Variants in OR6N1 observed in about 807,000 individuals in gnomAD.
OR6N1 encodes the protein olfactory receptor 6N1.
For synonymous variants in OR6N1, 170 were observed against 150.7 expected, an observed-to-expected ratio of 1.13 and a Z score of -0.94; for missense variants, 394 against 371.7, an observed-to-expected ratio of 1.06 and a Z score of -0.49.
chr1:158,820,324 T>C, the OR6N1 span, among the ~76,000 whole-genome samples: 1 of 152,232 alleles, frequency 6.6e-6, no homozygotes. Flanking sequence ...GGGGCCAGTT[T>C]ATGGCCAGAT....
At chr1:158,787,588 TTC>T in the OR6N1 span, among the ~76,000 whole-genome samples, 24 of 125,888 alleles carry the variant, frequency 1.9e-4, no homozygotes, top group Middle Eastern at 4.3e-3. Context: ...TGTATATACT[TTC>T]TCTCTCTCTC....
the OR6N1 span, among the ~76,000 whole-genome samples, chr1:158,827,665 T>C: frequency 1.3e-5 from 2 of 152,192 alleles, no homozygotes; most frequent in African/African-American, 4.8e-5. Flanking sequence ...TAGTGAGAAC[T>C]TGAACCAGAA....
chr1:158,807,280 G>T, the OR6N1 span, among the ~76,000 whole-genome samples: 3,489 of 152,236 alleles, frequency 0.023, 132 homozygotes, highest in African/African-American at 0.077. Flanking sequence ...AAACATGAAG[G>T]CAGCTGTAAC....
the OR6N1 span, among the ~76,000 whole-genome samples, chr1:158,793,618 G>T: frequency 1.3e-5 from 2 of 152,200 alleles, no homozygotes; most frequent in Non-Finnish European, 2.9e-5. Flanking sequence ...TGTGCTGGGT[G>T]TGTAAGCAGG....
chr1:158,773,847 ATATATTTG>A (rs1484796120), upstream of OR6N1, among the ~76,000 whole-genome samples: 2 of 152,118 alleles, frequency 1.3e-5, no homozygotes, highest in Non-Finnish European at 2.9e-5. Flanking sequence ...GTGTGTGTAT[ATATATTTG>A]TATATTTGTA....
chr1:158,798,206 A>G, the OR6N1 span, among the ~76,000 whole-genome samples: 4 of 151,508 alleles, frequency 2.6e-5, no homozygotes, highest in Non-Finnish European at 5.9e-5. Flanking sequence ...CAACATTTTT[A>G]TTAGTATATC....
Position 158,765,718 on chromosome 1 carries a change from G to A in OR6N1, c.*26C>T, listed in dbSNP as rs200960901. On this transcript the variant is annotated 3_prime_UTR_variant, in exon 2 of 2. Transcript: ENST00000641846. Reference sequence around the variant, plus strand: ...CTGGGGCCACCATATCCTCAGGCCCGGCCTTGGCCTACTCTCAGCCCCAAC... The same window carrying A: ...CTGGGGCCACCATATCCTCAGGCCCAGCCTTGGCCTACTCTCAGCCCCAAC... The A allele has an allele frequency of 1.7e-3, 2,627 of 1,575,406 alleles. 1 individual carries two copies. The highest frequency in any genetic ancestry group is 2.1e-3 in the Non-Finnish European group (2,383 of 1,149,610).
the OR6N1 span, among the ~76,000 whole-genome samples, chr1:158,821,981 G>A: frequency 6.6e-6 from 1 of 152,172 alleles, no homozygotes; most frequent in East Asian, 1.9e-4. Context: ...TAATAAATGT[G>A]TAGTGGTATC....
At chr1:158,774,874 C>A (rs1657546132), upstream of OR6N1, 1 of 152,136 alleles carries the variant, frequency 6.6e-6, no homozygotes, top group South Asian at 2.1e-4. Flanking sequence ...AAGACCGATG[C>A]ATTCTATAGA....
chr1:158,820,402 G>A, the OR6N1 span, among the ~76,000 whole-genome samples: 2 of 152,162 alleles, frequency 1.3e-5, no homozygotes, highest in African/African-American at 4.8e-5. Context: ...GTAAATTGTA[G>A]GGCAATGTAG....
chr1:158,778,038 T>A, the OR6N1 span, among the ~76,000 whole-genome samples: 2 of 152,250 alleles, frequency 1.3e-5, no homozygotes, highest in Non-Finnish European at 2.9e-5. Flanking sequence ...TATATGACTG[T>A]TCCCAAACAT....
chr1:158,824,704 C>G, the OR6N1 span, among the ~76,000 whole-genome samples: 2 of 152,076 alleles, frequency 1.3e-5, no homozygotes, highest in Non-Finnish European at 2.9e-5. Context: ...CTGACAAAAA[C>G]AAGCAATGGG....
At chr1:158,801,991 G>A in the OR6N1 span, among the ~76,000 whole-genome samples, 3 of 151,930 alleles carry the variant, frequency 2.0e-5, no homozygotes, top group South Asian at 6.2e-4. Flanking sequence ...GACCTCCCAG[G>A]GGCTCCTTGC....
At chr1:158,828,566 G>A in the OR6N1 span, among the ~76,000 whole-genome samples, 1 of 152,316 alleles carries the variant, frequency 6.6e-6, no homozygotes, top group East Asian at 1.9e-4. Context: ...CCACCCCTGT[G>A]GTTTTGCAGG....
intron 1 of OR6N1, among the ~76,000 whole-genome samples, chr1:158,769,369 GC>G (rs1424553343): frequency 6.6e-6 from 1 of 152,068 alleles, no homozygotes; most frequent in African/African-American, 2.4e-5. Context: ...TAGCCATATT[GC>G]CCAGGCTGGT....
the OR6N1 span, among the ~76,000 whole-genome samples, chr1:158,838,775 TA>T: frequency 6.6e-6 from 1 of 152,124 alleles, no homozygotes. Context: ...TTATATCTTT[TA>T]AAAAAGTTTG....
intron 1 of OR6N1, among the ~76,000 whole-genome samples, chr1:158,770,766 A>T (rs1657405066): frequency 6.6e-6 from 1 of 152,202 alleles, no homozygotes; most frequent in Non-Finnish European, 1.5e-5. Flanking sequence ...GCAAAAACTC[A>T]TATCTTCTCA....
At chr1:158,767,351 C>T (rs943339426) in intron 1 of OR6N1, among the ~76,000 whole-genome samples, 2 of 152,158 alleles carry the variant, frequency 1.3e-5, no homozygotes, top group Non-Finnish European at 2.9e-5. Flanking sequence ...CAAAGAAAGA[C>T]AGGAGGCAAA....
intron 1 of OR6N1, among the ~76,000 whole-genome samples, chr1:158,771,368 T>C (rs1441345231): frequency 6.6e-6 from 1 of 152,154 alleles, no homozygotes; most frequent in African/African-American, 2.4e-5. Flanking sequence ...CTTAGCACAA[T>C]GCCTGATATA....
Sources: allele counts gnomAD v4.1 joint callset (sites outside exome capture counted in the v4.1 genomes callset), GRCh38; gene constraint gnomAD v4.1.1; transcripts MANE v1.5; gene names NCBI Gene and HGNC (gene_info 2026-07-23, HGNC 2026-07-21).